The following CREB5 variants were observed in gnomAD, a reference collection of about 807,000 sequenced individuals.
CREB5 encodes the protein cyclic AMP-responsive element-binding protein 5.
CREB5 carries 19 observed loss-of-function variants against 57.1 expected under a neutral mutation model. That is an observed-to-expected ratio of 0.33 (90% CI 0.23 to 0.49). CREB5 has a LOEUF of 0.49. CREB5 is among the 20% of genes least tolerant of loss of function. The pLI is 0.99. For synonymous variants in CREB5, 238 were observed against 238.3 expected, an observed-to-expected ratio of 1.00 and a Z score of 0.01; for missense variants, 579 against 671.6, an observed-to-expected ratio of 0.86 and a Z score of 1.52.
At chr7:28,461,271 A>G (rs545349815) in intron 1 of CREB5, among the ~76,000 whole-genome samples, 2 of 152,212 alleles carry the variant, frequency 1.3e-5, no homozygotes, top group African/African-American at 4.8e-5. Context: ...GAAGGTGTAT[A>G]AAGGAAAGAC....
At chr7:28,734,206 C>CAAAAAAAAAAAAAAAA (rs61403862) in intron 7 of CREB5, among the ~76,000 whole-genome samples, 10 of 96,432 alleles carry the variant, frequency 1.0e-4, no homozygotes, top group East Asian at 4.1e-4. Context: ...TTCAGTAGTT[C>CAAAAAAAAAAAAAAAA]AAAAAAAAAA....
At chr7:28,581,913 G>A (rs1796137492) in intron 5 of CREB5, among the ~76,000 whole-genome samples, 1 of 152,076 alleles carries the variant, frequency 6.6e-6, no homozygotes, top group Admixed American at 6.5e-5. Context: ...GCCAGGGTGG[G>A]GTGAGAAAGA....
At chr7:28,353,250 T>C (rs1044543966) in intron 1 of CREB5, among the ~76,000 whole-genome samples, 1 of 152,090 alleles carries the variant, frequency 6.6e-6, no homozygotes, top group Non-Finnish European at 1.5e-5. Context: ...GCCCAGCTAA[T>C]TTTTGTATTT....
At chr7:28,499,863 G>A (rs143231790) in intron 3 of CREB5, among the ~76,000 whole-genome samples, 7 of 152,342 alleles carry the variant, frequency 4.6e-5, no homozygotes, top group Non-Finnish European at 7.3e-5. Flanking sequence ...GATTACAGGC[G>A]TGAGCCACAG....
chr7:28,694,328 C>A (rs1212824798), intron 5 of CREB5, among the ~76,000 whole-genome samples: 3 of 152,146 alleles, frequency 2.0e-5, no homozygotes, highest in Non-Finnish European at 2.9e-5. Flanking sequence ...TCACCAGCAT[C>A]CACCCTAATA....
chr7:28,764,462 T>C (rs1027451634), intron 7 of CREB5, among the ~76,000 whole-genome samples: 7 of 152,184 alleles, frequency 4.6e-5, no homozygotes, highest in Non-Finnish European at 1.0e-4. Context: ...AAATTCATAA[T>C]GTTTAAGAGA....
chr7:28,302,683 TTG>T (rs2127979017), intron 1 of CREB5, among the ~76,000 whole-genome samples: 1 of 152,276 alleles, frequency 6.6e-6, no homozygotes, highest in South Asian at 2.1e-4. Flanking sequence ...GCTCAGGAGC[TTG>T]TGCACGCCCG....
At chr7:28,683,184 G>T (rs543120256) in intron 5 of CREB5, among the ~76,000 whole-genome samples, 2 of 152,268 alleles carry the variant, frequency 1.3e-5, no homozygotes, top group African/African-American at 4.8e-5. Context: ...CTAGGACATG[G>T]GGTAGGGGAG....
chr7:28,661,266 A>T (rs148711312), intron 5 of CREB5, among the ~76,000 whole-genome samples: 1 of 152,140 alleles, frequency 6.6e-6, no homozygotes, highest in Non-Finnish European at 1.5e-5. Context: ...TTCCCCTGGT[A>T]CAGCCCACTC....
intron 1 of CREB5, 121 bp downstream of exon 1, chr7:28,413,038 T>A: frequency 2.3e-6 from 2 of 876,210 alleles, no homozygotes; most frequent in Non-Finnish European, 3.3e-6. Flanking sequence ...TTGCACAAAA[T>A]TTTAATGTTG....
chr7:28,721,961 C>T (rs961373456), intron 6 of CREB5, among the ~76,000 whole-genome samples: 5 of 152,238 alleles, frequency 3.3e-5, no homozygotes, highest in Non-Finnish European at 5.9e-5. Flanking sequence ...CAGTATTCAG[C>T]AAAGCCACTC....
chr7:28,354,161 C>A (rs34531802), intron 1 of CREB5, among the ~76,000 whole-genome samples: 2 of 152,044 alleles, frequency 1.3e-5, no homozygotes, highest in Non-Finnish European at 2.9e-5. Context: ...GGAAGGAAGG[C>A]GTGATGGTTA....
At chr7:28,455,008 C>T (rs1435581383) in intron 1 of CREB5, among the ~76,000 whole-genome samples, 2 of 152,210 alleles carry the variant, frequency 1.3e-5, no homozygotes, top group African/African-American at 2.4e-5. Flanking sequence ...ACCTCCCTGA[C>T]GTGCATGAAC....
rs150805605 is a variant in CREB5 at position 28,710,290 on chromosome 7, G to A, written c.465-8463G>A. 1.7e-3 allele frequency among the ~76,000 whole-genome samples: 256 copies of A among 152,232 alleles called. 1 individual carries two copies. The highest frequency in any genetic ancestry group is 5.8e-3 in the African/African-American group (242 of 41,538). The stretch of plus-strand genomic sequence containing the variant: ...TAGTAAGTGAAGATATCTATTGAAC[G>A]TGATTCCTGGAATGTCCATTGTTAG... On this transcript the variant is annotated intron_variant, in intron 5 of 10. Coordinates refer to ENST00000357727, the MANE Select transcript of CREB5 (RefSeq NM_182898.4).
At chr7:28,721,114 A>T (rs915940946) in intron 6 of CREB5, among the ~76,000 whole-genome samples, 1 of 152,190 alleles carries the variant, frequency 6.6e-6, no homozygotes, top group African/African-American at 2.4e-5. Flanking sequence ...AGTTTAGAGC[A>T]GCGATGCTCA....
At chr7:28,421,278 A>T (rs1359328408) in intron 1 of CREB5, among the ~76,000 whole-genome samples, 1 of 152,214 alleles carries the variant, frequency 6.6e-6, no homozygotes, top group Non-Finnish European at 1.5e-5. Flanking sequence ...TTCACCTAGG[A>T]TAATGGCCTC....
intron 3 of CREB5, among the ~76,000 whole-genome samples, chr7:28,505,769 G>C (rs1337330509): frequency 1.3e-5 from 2 of 152,144 alleles, no homozygotes; most frequent in African/African-American, 4.8e-5. Context: ...TTACCTCATA[G>C]AATCATGCGA....
At chr7:28,488,356 C>A in intron 2 of CREB5, 110 bp downstream of exon 2, 6 of 868,736 alleles carry the variant, frequency 6.9e-6, no homozygotes, top group Non-Finnish European at 1.1e-5. Flanking sequence ...TTTACCAAGA[C>A]ACCACCAAAG....
intron 5 of CREB5, among the ~76,000 whole-genome samples, chr7:28,654,026 C>A (rs1799239168): frequency 6.6e-6 from 1 of 151,860 alleles, no homozygotes; most frequent in Non-Finnish European, 1.5e-5. Flanking sequence ...CCCCCATTTA[C>A]TTGCCTTTAC....
Sources: gnomAD v4.1 joint callset for allele counts (sites outside exome capture counted in the v4.1 genomes callset) on GRCh38, gnomAD v4.1.1 for gene constraint, MANE v1.5 for transcripts, NCBI Gene and HGNC (gene_info 2026-07-23, HGNC 2026-07-21) for gene names.